Variants in SOX6 observed in about 807,000 individuals in gnomAD.
The protein encoded by SOX6 is transcription factor SOX-6.
SOX6 carries 11 observed loss-of-function variants against 97.8 expected under a neutral mutation model. The observed-to-expected ratio is 0.11, with a 90% CI of 0.07 to 0.19. The LOEUF is 0.19. SOX6 is among the 10% of genes least tolerant of loss of function. The pLI is 1.00. For missense variants in SOX6, 810 were observed against 1,039.5 expected, an observed-to-expected ratio of 0.78 and a Z score of 3.04; for synonymous variants, 360 against 371.4, an observed-to-expected ratio of 0.97 and a Z score of 0.35.
rs189581067 is a variant in SOX6 at position 16,453,087 on chromosome 11, T to C, written c.-5+23228A>G. Among the ~76,000 whole-genome samples the C allele has an allele frequency of 1.6e-3, 250 of 152,306 alleles. 4 individuals are homozygous for C. The highest frequency in any genetic ancestry group is 0.014 in the Admixed American group (209 of 15,298). ...GACATCCTATAAAACGCAATTTTTA[T>C]TCCCATACTCCTGATATCAAGGTGT... On this transcript the variant is annotated intron_variant, in intron 1 of 15. Coordinates refer to the SOX6 transcript ENST00000396356.
At chr11:16,090,559 T>G (rs1456386946) in intron 9 of SOX6, among the ~76,000 whole-genome samples, 2 of 151,932 alleles carry the variant, frequency 1.3e-5, no homozygotes, top group African/African-American at 4.8e-5. Flanking sequence ...CACTTTTTCT[T>G]AAGAAGCCTA....
intron 3 of SOX6, among the ~76,000 whole-genome samples, chr11:16,651,675 C>G (rs77700628): frequency 0.019 from 2,887 of 152,098 alleles, 86 homozygotes; most frequent in African/African-American, 0.066. Flanking sequence ...TTATACTGAA[C>G]AGGGAAAAAT....
chr11:16,152,927 C>T (rs1246241303), intron 6 of SOX6, among the ~76,000 whole-genome samples: 5 of 151,872 alleles, frequency 3.3e-5, no homozygotes, highest in Admixed American at 6.6e-5. Context: ...AGTGCAGTGG[C>T]GCTATCTCGG....
chr11:16,415,584 G>T (rs2133060133), intron 1 of SOX6, among the ~76,000 whole-genome samples: 1 of 152,178 alleles, frequency 6.6e-6, no homozygotes, highest in African/African-American at 2.4e-5. Flanking sequence ...AAACAAAAAT[G>T]ATAAATATTT....
intron 1 of SOX6, among the ~76,000 whole-genome samples, chr11:16,386,655 T>C (rs1219105633): frequency 2.6e-5 from 4 of 152,164 alleles, no homozygotes; most frequent in African/African-American, 9.7e-5. Flanking sequence ...CCCTCATAAA[T>C]ACTGTTCCCT....
At chr11:16,715,310 T>C (rs750819747) in intron 2 of SOX6, among the ~76,000 whole-genome samples, 92 of 152,352 alleles carry the variant, frequency 6.0e-4, no homozygotes, top group Non-Finnish European at 1.0e-3. Flanking sequence ...ACATAACATA[T>C]ATTATAAACA....
At chr11:16,707,069 C>T (rs1009410807) in intron 3 of SOX6, among the ~76,000 whole-genome samples, 3 of 152,092 alleles carry the variant, frequency 2.0e-5, no homozygotes, top group African/African-American at 7.2e-5. Flanking sequence ...CAGTGTTCTC[C>T]TTCCTAGTTA....
At chr11:16,408,212 C>A (rs964200099) in intron 1 of SOX6, among the ~76,000 whole-genome samples, 1 of 152,116 alleles carries the variant, frequency 6.6e-6, no homozygotes. Context: ...ACACTAAGTC[C>A]ATGTTCAGAG....
chr11:16,532,946 G>C (rs951083566), intron 4 of SOX6, among the ~76,000 whole-genome samples: 1 of 151,770 alleles, frequency 6.6e-6, no homozygotes, highest in African/African-American at 2.4e-5. Flanking sequence ...GGTGTGTGTT[G>C]CAATAAGGAC....
intron 1 of SOX6, among the ~76,000 whole-genome samples, chr11:16,354,898 T>C (rs2134365368): frequency 6.6e-6 from 1 of 151,564 alleles, no homozygotes; most frequent in East Asian, 1.9e-4. Context: ...TTTCACACAA[T>C]TTTTTTTTAT....
chr11:16,008,979 G>T (rs915503221), intron 13 of SOX6, among the ~76,000 whole-genome samples: 1 of 152,048 alleles, frequency 6.6e-6, no homozygotes, highest in African/African-American at 2.4e-5. Flanking sequence ...GTTCCACAGA[G>T]ATGCTATTGC....
chr11:16,539,372 C>G (rs11489839), intron 4 of SOX6, among the ~76,000 whole-genome samples: 35,402 of 151,916 alleles, frequency 0.23, 4,871 homozygotes, highest in Non-Finnish European at 0.3. Context: ...AAGCAGGAAA[C>G]ATCTAAAATC....
chr11:16,158,000 A>G (rs550155039), intron 6 of SOX6, among the ~76,000 whole-genome samples: 1 of 152,120 alleles, frequency 6.6e-6, no homozygotes, highest in East Asian at 1.9e-4. Context: ...CACTTAGCAC[A>G]TTATATTGTT....
chr11:16,507,022 C>A (rs758928635), intron 4 of SOX6, among the ~76,000 whole-genome samples: 18 of 152,106 alleles, frequency 1.2e-4, no homozygotes, highest in Non-Finnish European at 2.4e-4. Context: ...CAAGATCATA[C>A]CATTGCACTC....
chr11:16,318,282 G>T, intron 3 of SOX6, 164 bp downstream of exon 3: 1 of 700,860 alleles, frequency 1.4e-6, no homozygotes, highest in Non-Finnish European at 2.5e-6. Flanking sequence ...CACTCCTAAT[G>T]GATCAAAATC....
rs1848430963 is a variant in SOX6, at chr11:16,613,752, C to T, written n.430-1492G>A. Among the ~76,000 whole-genome samples, 1 of 152,252 alleles carries T rather than the reference C, an allele frequency of 6.6e-6. No homozygotes were observed. Among genetic ancestry groups the T allele is most frequent in the Non-Finnish European group, 1.5e-5 (1 of 68,044 alleles). ...GCTCCAGAGCATCGGGGAAACTAGACTGTTCCGTGGATGAACTGCGAGGAT... is the reference window on the plus strand; with the variant it reads ...GCTCCAGAGCATCGGGGAAACTAGATTGTTCCGTGGATGAACTGCGAGGAT... On this transcript the variant is annotated intron_variant and non_coding_transcript_variant, in intron 3 of 5. Transcript: ENST00000524520. This position sits in a 1 kb window ranked among gnomAD's most constrained non-coding sequence, Gnocchi z 4.6.
At chr11:16,190,497 A>G (rs763782587) in intron 4 of SOX6, among the ~76,000 whole-genome samples, 1 of 152,268 alleles carries the variant, frequency 6.6e-6, no homozygotes, top group Non-Finnish European at 1.5e-5. Flanking sequence ...ATTAGGTGTT[A>G]TAAGTAATCC....
At chr11:16,586,236 A>G (rs985323947) in intron 4 of SOX6, among the ~76,000 whole-genome samples, 2 of 152,054 alleles carry the variant, frequency 1.3e-5, no homozygotes, top group African/African-American at 2.4e-5. Flanking sequence ...AACTGGCCTC[A>G]GTGGCCTCCC....
At chr11:16,506,525 A>C (rs1475679070) in intron 4 of SOX6, among the ~76,000 whole-genome samples, 1 of 152,170 alleles carries the variant, frequency 6.6e-6, no homozygotes, top group Admixed American at 6.5e-5. Context: ...TGCTGAAATG[A>C]GTTAAGACTT....
Sources: allele counts gnomAD v4.1 joint callset (sites outside exome capture counted in the v4.1 genomes callset), GRCh38; gene constraint gnomAD v4.1.1; non-coding constraint Gnocchi (gnomAD v3.1); transcripts MANE v1.5; gene names NCBI Gene and HGNC (gene_info 2026-07-23, HGNC 2026-07-21).